The following CHMP2B variants were observed in gnomAD, a reference collection of about 807,000 sequenced individuals.
CHMP2B encodes charged multivesicular body protein 2B.
A neutral mutation model predicts 29.8 loss-of-function variants in CHMP2B; 22 were observed. The ratio of observed to expected loss-of-function variants is 0.74; its 90% CI spans 0.53 to 1.05. The LOEUF (loss-of-function observed/expected upper bound fraction) is 1.05. Among genes scored for constraint, CHMP2B ranks in the 50% least tolerant of loss-of-function variants. The pLI is 0.00. For synonymous variants in CHMP2B, 78 were observed against 75.8 expected (o/e 1.03, Z -0.15); for missense variants, 261 against 252.2 (o/e 1.03, Z -0.24).
chr3:87,253,912 T>G lies in CHMP2B; in HGVS notation c.*90T>G. 1 of 869,928 alleles carries G rather than the reference T, an allele frequency of 1.1e-6. No homozygotes were observed. Among genetic ancestry groups the G allele is most frequent in the Admixed American group, 2.5e-5 (1 of 40,588 alleles). 53.9% of individuals were successfully genotyped at this position (869,928 alleles called of 1,614,324 possible). On this transcript the variant is annotated 3_prime_UTR_variant, in exon 6 of 6. Coordinates refer to ENST00000263780, the MANE Select transcript of CHMP2B (RefSeq NM_014043.4). ...TTTCTTTTACAAAACACATGTATTTTGCAAAAAAAAAAAAAATGAAGACCA... is the reference window on the plus strand; with the variant it reads ...TTTCTTTTACAAAACACATGTATTTGGCAAAAAAAAAAAAAATGAAGACCA...
In CHMP2B at chr3:87,253,823, T is replaced by C; in HGVS notation, c.*1T>C. The C allele has an allele frequency of 1.9e-6, 3 of 1,597,536 alleles. No homozygotes were observed. The highest frequency in any genetic ancestry group is 2.6e-6 in the Non-Finnish European group (3 of 1,165,720). On this transcript the variant is annotated 3_prime_UTR_variant, in exon 6 of 6. Coordinates refer to ENST00000263780, the MANE Select transcript of CHMP2B (RefSeq NM_014043.4). ...ACTCAAGGCTTTAGGAGTAGATTAG[T>C]CAAAAGAAGTCATACTATTTTGCTT...
intron 1 of CHMP2B, among the ~76,000 whole-genome samples, chr3:87,237,784 T>A (rs377015725): frequency 1.4e-4 from 21 of 152,324 alleles, no homozygotes; most frequent in African/African-American, 5.1e-4. Flanking sequence ...AATATATTTA[T>A]CTGTGGATCA....
intron 4 of CHMP2B, among the ~76,000 whole-genome samples, chr3:87,250,622 A>T (rs1706299173): frequency 6.6e-6 from 1 of 151,994 alleles, no homozygotes; most frequent in African/African-American, 2.4e-5. Context: ...CATGACCTTG[A>T]CATTAAATCT....
At chr3:87,228,630 G>A (rs1705855725) in intron 1 of CHMP2B, among the ~76,000 whole-genome samples, 1 of 152,162 alleles carries the variant, frequency 6.6e-6, no homozygotes, top group Non-Finnish European at 1.5e-5. Context: ...TCTCTGCTCT[G>A]CTGCTGTACA....
In CHMP2B at chr3:87,253,717, C is replaced by T. The variant is rs753365110; in HGVS notation, c.537C>T (p.Ala179=). 1.2e-6 allele frequency: 2 copies of T among 1,611,508 alleles called. No individual in the cohort carries two copies. Among genetic ancestry groups the T allele is most frequent in the South Asian group, 1.1e-5 (1 of 91,014 alleles). ...EIGIEISGKM[A]KAPSAARSLP... is the part of the protein sequence containing the mutation. ...TTTTTCATTGTTTAATATAGATGGC[C>T]AAAGCTCCATCAGCTGCTCGAAGCT... The change falls in exon 6 of 6, where the codon GCC becomes GCT. Residue 179 remains alanine (A), a synonymous_variant. Coordinates refer to ENST00000263780, the MANE Select transcript of CHMP2B (RefSeq NM_014043.4).
chr3:87,247,199 G>C (rs1351232676), intron 3 of CHMP2B, among the ~76,000 whole-genome samples: 2 of 152,092 alleles, frequency 1.3e-5, no homozygotes, highest in East Asian at 1.9e-4. Context: ...GTGAGCCTTT[G>C]CCCACAACGT....
chr3:87,245,681 A>G, intron 2 of CHMP2B, 33 bp from the exon 3 acceptor site: 1 of 1,570,114 alleles, frequency 6.4e-7, no homozygotes, highest in Non-Finnish European at 8.8e-7. Context: ...CCCTTTAATA[A>G]TTTTATTTTC....
chr3:87,237,356 A>G (rs1428726569), intron 1 of CHMP2B, among the ~76,000 whole-genome samples: 2 of 152,172 alleles, frequency 1.3e-5, no homozygotes, highest in Non-Finnish European at 2.9e-5. Flanking sequence ...TATCCTTAGA[A>G]GAAGAGAAAG....
At chr3:87,236,777 G>T (rs573285838) in intron 1 of CHMP2B, among the ~76,000 whole-genome samples, 4 of 151,588 alleles carry the variant, frequency 2.6e-5, no homozygotes, top group East Asian at 1.9e-4. Context: ...CAGGAGAATC[G>T]CTTGAACCTG....
chr3:87,252,345 A>G (rs1316902758), intron 4 of CHMP2B, among the ~76,000 whole-genome samples: 1 of 151,758 alleles, frequency 6.6e-6, no homozygotes, highest in African/African-American at 2.4e-5. Flanking sequence ...ATACCAGGAG[A>G]GGAACAATTT....
At chr3:87,253,648 A>T (rs1448329652) in intron 5 of CHMP2B, 64 bp from the exon 6 acceptor site, 3 of 1,439,632 alleles carry the variant, frequency 2.1e-6, no homozygotes, top group Non-Finnish European at 2.9e-6. Context: ...TTTACAGCAC[A>T]TCCTGTATGT....
intron 1 of CHMP2B, among the ~76,000 whole-genome samples, chr3:87,230,651 G>A (rs1026382381): frequency 6.6e-6 from 1 of 152,142 alleles, no homozygotes. Context: ...CCTGGACACA[G>A]CATTTCTTCG....
intron 3 of CHMP2B, 55 bp from the exon 4 acceptor site, chr3:87,249,820 T>C: frequency 9.4e-7 from 1 of 1,066,360 alleles, no homozygotes; most frequent in Middle Eastern, 2.0e-4. Flanking sequence ...ACTTATTTCA[T>C]AGTAAAATTT....
intron 3 of CHMP2B, among the ~76,000 whole-genome samples, chr3:87,249,249 T>A (rs1000103120): frequency 6.6e-6 from 1 of 152,124 alleles, no homozygotes; most frequent in Non-Finnish European, 1.5e-5. Context: ...GCCACTGTCG[T>A]ATATGCTGTG....
intron 3 of CHMP2B, 84 bp from the exon 4 acceptor site, chr3:87,249,791 T>A: frequency 1.3e-6 from 1 of 772,658 alleles, no homozygotes; most frequent in Non-Finnish European, 2.2e-6. Context: ...CCTATCTATA[T>A]TTGATGTGTT....
chr3:87,243,813 G>A (rs1706163828), intron 2 of CHMP2B, among the ~76,000 whole-genome samples: 1 of 151,252 alleles, frequency 6.6e-6, no homozygotes, highest in African/African-American at 2.4e-5. Flanking sequence ...AACATCTTTA[G>A]GATAAGAAGT....
At chr3:87,247,553 G>T (rs1706237448) in intron 3 of CHMP2B, among the ~76,000 whole-genome samples, 1 of 152,190 alleles carries the variant, frequency 6.6e-6, no homozygotes, top group African/African-American at 2.4e-5. Flanking sequence ...TTTGACCTCA[G>T]CTGGAAATGT....
intron 1 of CHMP2B, among the ~76,000 whole-genome samples, chr3:87,238,259 A>G (rs1313136640): frequency 6.6e-6 from 1 of 152,198 alleles, no homozygotes; most frequent in African/African-American, 2.4e-5. Context: ...TAAAGTGAAC[A>G]GTTCAGTGGC....
chr3:87,230,798 T>G (rs1473807262), intron 1 of CHMP2B, among the ~76,000 whole-genome samples: 1 of 152,188 alleles, frequency 6.6e-6, no homozygotes, highest in African/African-American at 2.4e-5. Flanking sequence ...CAATGAGATG[T>G]TGCTTAGATC....
Sources: gnomAD v4.1 joint callset for allele counts (sites outside exome capture counted in the v4.1 genomes callset) on GRCh38, gnomAD v4.1.1 for gene constraint, MANE v1.5 for transcripts, NCBI Gene and HGNC (gene_info 2026-07-23, HGNC 2026-07-21) for gene names.